Variants in C2orf66 observed in about 807,000 individuals in gnomAD.
C2orf66 encodes the protein chromosome 2 open reading frame 66.
In C2orf66, 6 loss-of-function variants were observed where a neutral mutation model predicts 7.0. The ratio of observed to expected loss-of-function variants is 0.86; its 90% CI spans 0.47 to 1.69. The LOEUF is 1.69. Ranked by LOEUF, C2orf66 falls within the 40% of genes most tolerant of loss-of-function variation. The probability of loss-of-function intolerance (pLI) is 0.01; values close to 1 mark genes in which losing one functional copy is unlikely to be tolerated. For missense variants in C2orf66, 107 were observed against 112.0 expected (o/e 0.96, Z 0.20); for synonymous variants, 38 against 43.8 (o/e 0.87, Z 0.52).
chr2:196,825,303 T>C, the C2orf66 span, among the ~76,000 whole-genome samples: 1 of 151,208 alleles, frequency 6.6e-6, no homozygotes, highest in African/African-American at 2.4e-5. Context: ...AACAGGTATA[T>C]GAAAAAATTA....
At chr2:196,830,318 T>G in the C2orf66 span, among the ~76,000 whole-genome samples, 2 of 152,290 alleles carry the variant, frequency 1.3e-5, no homozygotes, top group African/African-American at 4.8e-5. Context: ...TACAAACAGT[T>G]TAAATCATTC....
At chr2:196,827,551 T>C in the C2orf66 span, among the ~76,000 whole-genome samples, 691 of 152,282 alleles carry the variant, frequency 4.5e-3, 5 homozygotes, top group Non-Finnish European at 7.7e-3. Context: ...AATGCTGTAT[T>C]TCCTGCAAGC....
chr2:196,817,631 C>T, the C2orf66 span, among the ~76,000 whole-genome samples: 1 of 152,028 alleles, frequency 6.6e-6, no homozygotes, highest in Non-Finnish European at 1.5e-5. Flanking sequence ...GGGGTTTTTC[C>T]CCACACTAGT....
At chr2:196,824,930 C>T in the C2orf66 span, among the ~76,000 whole-genome samples, 4 of 151,906 alleles carry the variant, frequency 2.6e-5, no homozygotes, top group Admixed American at 6.6e-5. Context: ...AGAAAATAAC[C>T]TGATTAAAAC....
the C2orf66 span, among the ~76,000 whole-genome samples, chr2:196,823,273 G>C: frequency 9.9e-5 from 15 of 152,220 alleles, no homozygotes; most frequent in African/African-American, 3.6e-4. Flanking sequence ...TTGTGTAATT[G>C]GGAGGATTTA....
chr2:196,828,230 T>TCTCACACACACA, the C2orf66 span, among the ~76,000 whole-genome samples: 5 of 125,064 alleles, frequency 4.0e-5, no homozygotes, highest in African/African-American at 1.5e-4. Context: ...TCTCTCTCTC[T>TCTCACACACACA]CACACACACA....
the C2orf66 span, among the ~76,000 whole-genome samples, chr2:196,827,609 C>A: frequency 1.3e-5 from 2 of 152,168 alleles, no homozygotes; most frequent in African/African-American, 4.8e-5. Flanking sequence ...TCTTCAAACA[C>A]CTTCTCACTG....
chr2:196,805,618 T>C (rs992789958), intron 2 of C2orf66, among the ~76,000 whole-genome samples: 1 of 152,194 alleles, frequency 6.6e-6, no homozygotes, highest in Non-Finnish European at 1.5e-5. Flanking sequence ...ATTCCTGTTC[T>C]TTTATGATAC....
chr2:196,830,197 T>C, the C2orf66 span, among the ~76,000 whole-genome samples: 1 of 152,192 alleles, frequency 6.6e-6, no homozygotes, highest in Non-Finnish European at 1.5e-5. Context: ...CTCTATTGAC[T>C]AAGGGAATGT....
At chr2:196,807,388 G>A in intron 2 of C2orf66, 36 bp downstream of exon 2, 3 of 1,228,514 alleles carry the variant, frequency 2.4e-6, no homozygotes, top group Non-Finnish European at 3.5e-6. Flanking sequence ...TGACTTGTAT[G>A]TTTGGACAGA....
At chr2:196,822,000 C>T in the C2orf66 span, among the ~76,000 whole-genome samples, 67 of 130,602 alleles carry the variant, frequency 5.1e-4, 1 homozygote, top group African/African-American at 1.3e-3. Context: ...ACTGCAACCT[C>T]CGCTCCTGGA....
the C2orf66 span, among the ~76,000 whole-genome samples, chr2:196,815,412 G>C: frequency 6.6e-6 from 1 of 152,108 alleles, no homozygotes; most frequent in Admixed American, 6.6e-5. Flanking sequence ...TCGAGAGAAA[G>C]AGAAAAAAAC....
chr2:196,820,009 ACT>A, the C2orf66 span, among the ~76,000 whole-genome samples: 4 of 152,072 alleles, frequency 2.6e-5, no homozygotes, highest in East Asian at 1.9e-4. Flanking sequence ...GACCACACAC[ACT>A]TTTCTATTTG....
chr2:196,818,736 C>T, the C2orf66 span, among the ~76,000 whole-genome samples: 1 of 152,296 alleles, frequency 6.6e-6, no homozygotes, highest in African/African-American at 2.4e-5. Flanking sequence ...TCATCTCAGG[C>T]CCTACTGATA....
chr2:196,809,493 T>C, upstream of C2orf66: 1 of 1,052,634 alleles, frequency 9.5e-7, no homozygotes, highest in Non-Finnish European at 1.4e-6. Flanking sequence ...CAGCCATCTT[T>C]TTTCCAGATT....
chr2:196,823,281 T>A, the C2orf66 span, among the ~76,000 whole-genome samples: 1 of 152,110 alleles, frequency 6.6e-6, no homozygotes, highest in African/African-American at 2.4e-5. Flanking sequence ...TTGGGAGGAT[T>A]TAATAGAAAT....
chr2:196,822,587 C>G, the C2orf66 span, among the ~76,000 whole-genome samples: 12 of 152,276 alleles, frequency 7.9e-5, no homozygotes, highest in East Asian at 2.3e-3. Context: ...TTCCCCATTC[C>G]TTTATTGTAC....
rs967880230 is a variant in C2orf66, at chr2:196,804,985, T to G, written c.*443A>C. The G allele has an allele frequency of 4.6e-5, 7 of 152,198 alleles. No individual in the cohort carries two copies. In the East Asian group the frequency reaches 1.3e-3, roughly 29 times the overall value. The allele number at this position is 152,198 out of a possible 1,614,324, so 9.4% of individuals were successfully genotyped here. Reference sequence around the variant, plus strand: ...TCTTTTTAGGAAAGGAAGACAAATTTTAAACCCAACCCTCTATCACATATA... The same window carrying G: ...TCTTTTTAGGAAAGGAAGACAAATTGTAAACCCAACCCTCTATCACATATA... On this transcript the variant is annotated 3_prime_UTR_variant, in exon 3 of 3. Coordinates refer to ENST00000342506, the MANE Select transcript of C2orf66 (RefSeq NM_213608.3).
the C2orf66 span, among the ~76,000 whole-genome samples, chr2:196,823,353 T>C: frequency 6.6e-6 from 1 of 152,156 alleles, no homozygotes; most frequent in East Asian, 1.9e-4. Flanking sequence ...CTGGGCATAG[T>C]GGCTCATGTC....
Sources: allele counts gnomAD v4.1 joint callset (sites outside exome capture counted in the v4.1 genomes callset), GRCh38; gene constraint gnomAD v4.1.1; transcripts MANE v1.5; gene names NCBI Gene and HGNC (gene_info 2026-07-23, HGNC 2026-07-21).